Variants in HDAC9 observed in about 807,000 individuals in gnomAD.
HDAC9 encodes the protein MEF-2 interacting transcription repressor (MITR) protein.
A neutral mutation model predicts 139.4 loss-of-function variants in HDAC9; 41 were observed. The ratio of observed to expected loss-of-function variants is 0.29; its 90% confidence interval spans 0.23 to 0.38. The LOEUF (loss-of-function observed/expected upper bound fraction) is 0.38, where lower values mean the gene tolerates loss of function less well. HDAC9 is among the 10% of genes least tolerant of loss of function. HDAC9 has a pLI of 1.00. For missense variants in HDAC9, 1,147 were observed against 1,297.0 expected, an observed-to-expected ratio of 0.88 and a Z score of 1.78; for synonymous variants, 517 against 476.2, an observed-to-expected ratio of 1.09 and a Z score of -1.12.
intron 12 of HDAC9, among the ~76,000 whole-genome samples, chr7:18,720,636 A>C (rs556803395): frequency 6.6e-6 from 1 of 151,872 alleles, no homozygotes; most frequent in East Asian, 1.9e-4. Flanking sequence ...GTAAAAAAAA[A>C]AAATGTGTTA....
intron 1 of HDAC9, among the ~76,000 whole-genome samples, chr7:18,432,844 G>A (rs768745761): frequency 2.5e-4 from 38 of 152,066 alleles, no homozygotes; most frequent in African/African-American, 4.6e-4. Context: ...CCAGCTACTC[G>A]GGAGGCTGAG....
intron 19 of HDAC9, among the ~76,000 whole-genome samples, chr7:18,830,198 T>A (rs1412843897): frequency 6.6e-6 from 1 of 152,184 alleles, no homozygotes; most frequent in Non-Finnish European, 1.5e-5. Context: ...AGTATATTCA[T>A]GAATAATGAG....
At chr7:18,134,133 C>T (rs985321403) in intron 1 of HDAC9, among the ~76,000 whole-genome samples, 8 of 152,034 alleles carry the variant, frequency 5.3e-5, no homozygotes, top group Non-Finnish European at 4.4e-5. Flanking sequence ...AATGTGTTGG[C>T]TCCTTGGCAC....
intron 1 of HDAC9, among the ~76,000 whole-genome samples, chr7:18,398,293 CAATT>C (rs1480460724): frequency 6.6e-6 from 1 of 152,128 alleles, no homozygotes; most frequent in Non-Finnish European, 1.5e-5. Flanking sequence ...ATCAGTTTTT[CAATT>C]GATTCCATAT....
chr7:18,811,897 T>A (rs1255512458), intron 17 of HDAC9, among the ~76,000 whole-genome samples: 1 of 151,462 alleles, frequency 6.6e-6, no homozygotes, highest in African/African-American at 2.4e-5. Flanking sequence ...ACAAAATATG[T>A]ACATATTCAT....
chr7:18,162,508 A>T (rs1787701320), intron 2 of HDAC9: 2 of 642,934 alleles, frequency 3.1e-6, no homozygotes, highest in Admixed American at 5.3e-5. Flanking sequence ...TCGATAGCTA[A>T]TTCTCTATTG....
intron 2 of HDAC9, among the ~76,000 whole-genome samples, chr7:18,285,394 T>C (rs1324343826): frequency 1.3e-5 from 2 of 152,134 alleles, no homozygotes; most frequent in East Asian, 3.8e-4. Context: ...TTTGCAGTTA[T>C]TCAGTGACAC....
chr7:18,980,736 C>T (rs1307764084), intron 25 of HDAC9, among the ~76,000 whole-genome samples: 1 of 130,176 alleles, frequency 7.7e-6, no homozygotes, highest in East Asian at 2.2e-4. Flanking sequence ...CCTTCTTCTT[C>T]TTCTTCTTCC....
Position 18,736,952 on chromosome 7 carries a change from T to A in HDAC9, c.1909+9195T>A, listed in dbSNP as rs572834706. On this transcript the variant is annotated intron_variant, in intron 13 of 25. Coordinates refer to ENST00000686413, the MANE Select transcript of HDAC9 (RefSeq NM_178425.4). ...GTTCATAGATTCAACTTCTTCCGGC[T>A]TTAGTCTTGAGAAGGTTTATGTGTC... 6.6e-5 allele frequency among the ~76,000 whole-genome samples: 10 copies of A among 152,332 alleles called. No homozygotes were observed. In the East Asian group the frequency reaches 1.7e-3, roughly 26 times the overall value.
chr7:18,459,049 C>T, intron 1 of HDAC9: 2 of 627,788 alleles, frequency 3.2e-6, no homozygotes, highest in Non-Finnish European at 5.7e-6. Flanking sequence ...CCACGGGCTA[C>T]TGACCAAGAG....
chr7:18,253,459 A>G (rs146446280), intron 2 of HDAC9, among the ~76,000 whole-genome samples: 1 of 152,136 alleles, frequency 6.6e-6, no homozygotes, highest in African/African-American at 2.4e-5. Flanking sequence ...ATGGTATGAG[A>G]TGGTATCTCA....
chr7:18,675,010 A>C (rs1562841705), intron 12 of HDAC9, among the ~76,000 whole-genome samples: 1 of 151,994 alleles, frequency 6.6e-6, no homozygotes, highest in Non-Finnish European at 1.5e-5. Context: ...AATTTGAATG[A>C]CCTCTTTATA....
At chr7:18,982,214 A>G (rs570477263) in intron 25 of HDAC9, among the ~76,000 whole-genome samples, 43 of 152,274 alleles carry the variant, frequency 2.8e-4, no homozygotes, top group South Asian at 1.7e-3. Context: ...CTTTTACAGT[A>G]GTTTCCTTAC....
intron 1 of HDAC9, among the ~76,000 whole-genome samples, chr7:18,410,953 A>C (rs1047335073): frequency 1.6e-4 from 24 of 152,204 alleles, no homozygotes; most frequent in Non-Finnish European, 3.1e-4. Context: ...AGCCTTATAG[A>C]ATTATAATCG....
intron 2 of HDAC9, among the ~76,000 whole-genome samples, chr7:18,173,904 A>G (rs1418898823): frequency 6.6e-6 from 1 of 152,148 alleles, no homozygotes; most frequent in East Asian, 1.9e-4. Context: ...ACCTTGGTGA[A>G]TCTGACAATT....
chr7:18,933,263 T>C (rs935562529), intron 22 of HDAC9, among the ~76,000 whole-genome samples: 6 of 152,170 alleles, frequency 3.9e-5, no homozygotes. Context: ...AGTAAAGACT[T>C]GGACCCTTAG....
At chr7:18,332,390 TGTGAGAGAGA>T (rs1359940148) in intron 1 of HDAC9, among the ~76,000 whole-genome samples, 1 of 120,172 alleles carries the variant, frequency 8.3e-6, no homozygotes, top group Non-Finnish European at 1.7e-5. Context: ...TGTGTGTGTG[TGTGAGAGAGA>T]GAGAGAGAGA....
intron 16 of HDAC9, among the ~76,000 whole-genome samples, chr7:18,777,709 T>C (rs1231673922): frequency 6.6e-6 from 1 of 151,968 alleles, no homozygotes; most frequent in Non-Finnish European, 1.5e-5. Context: ...AGCAAAATAA[T>C]AATTCTCGAC....
intron 1 of HDAC9, chr7:18,151,832 A>G (rs1786803999): frequency 6.6e-6 from 1 of 152,248 alleles, no homozygotes; most frequent in South Asian, 2.1e-4. Context: ...TATGAGGAAT[A>G]TAAAAATAGA....
Sources: gnomAD v4.1 joint callset for allele counts (sites outside exome capture counted in the v4.1 genomes callset) on GRCh38, gnomAD v4.1.1 for gene constraint, MANE v1.5 for transcripts, NCBI Gene and HGNC (gene_info 2026-07-23, HGNC 2026-07-21) for gene names.